SORCS2: variants seen among roughly 807,000 people sequenced by gnomAD.
The protein encoded by SORCS2 is VPS10 domain-containing receptor SorCS2.
A neutral mutation model predicts 141.6 loss-of-function variants in SORCS2; 100 were observed. The observed-to-expected ratio is 0.71, with a 90% confidence interval of 0.60 to 0.83. The LOEUF is 0.83. SORCS2 is among the 40% of genes least tolerant of loss of function. The pLI is 0.00. For missense variants in SORCS2, 1,646 were observed against 1,560.2 expected (o/e 1.05, Z -0.93); for synonymous variants, 789 against 676.9 (o/e 1.17, Z -2.57).
intron 2 of SORCS2, among the ~76,000 whole-genome samples, chr4:7,493,545 C>T (rs1731430711): frequency 6.6e-6 from 1 of 152,142 alleles, no homozygotes; most frequent in Admixed American, 6.5e-5. Context: ...CTTTCTAAGC[C>T]ACTGCCTTGG....
intron 14 of SORCS2, among the ~76,000 whole-genome samples, chr4:7,710,306 T>C (rs1239536776): frequency 2.6e-5 from 4 of 152,146 alleles, no homozygotes; most frequent in Non-Finnish European, 5.9e-5. Context: ...CCGGGTCCCT[T>C]GCCTCAGCCT....
Position 7,690,752 on chromosome 4 carries a change from A to G in SORCS2, c.1591+1164A>G, listed in dbSNP as rs149861401. The stretch of plus-strand genomic sequence containing the variant: ...GATCAATGGATGGATGATTTATATC[A>G]TGGTTGATATTTATTGGCCCCTGAA... On this transcript the variant is annotated intron_variant, in intron 11 of 26. Coordinates refer to ENST00000507866, the MANE Select transcript of SORCS2 (RefSeq NM_020777.3). Among the ~76,000 whole-genome samples, 612 of 152,336 alleles carry G rather than the reference A, an allele frequency of 4.0e-3. 10 individuals are homozygous for G. The highest frequency in any genetic ancestry group is 0.031 in the Admixed American group (473 of 15,308).
At chr4:7,689,059 T>A (rs1360464256) in intron 10 of SORCS2, among the ~76,000 whole-genome samples, 3 of 152,166 alleles carry the variant, frequency 2.0e-5, no homozygotes, top group Admixed American at 2.0e-4. Flanking sequence ...CTGTGCAGGC[T>A]CCAGGAATCA....
chr4:7,338,757 A>T (rs1234152136), intron 1 of SORCS2, among the ~76,000 whole-genome samples: 1 of 152,224 alleles, frequency 6.6e-6, no homozygotes, highest in Non-Finnish European at 1.5e-5. Context: ...TCACAGTTGG[A>T]AACCATTTAA....
chr4:7,229,678 G>T (rs979716435), intron 1 of SORCS2, among the ~76,000 whole-genome samples: 2 of 152,262 alleles, frequency 1.3e-5, no homozygotes, highest in Non-Finnish European at 2.9e-5. Flanking sequence ...ACGGTCGTGG[G>T]TGTTCCAGGG....
At chr4:7,694,897 C>T (rs1724495818) in intron 11 of SORCS2, among the ~76,000 whole-genome samples, 1 of 152,076 alleles carries the variant, frequency 6.6e-6, no homozygotes, top group Non-Finnish European at 1.5e-5. Context: ...TTCAGCTCTC[C>T]AGGCTCCACT....
chr4:7,418,335 G>A (rs1725826744), intron 2 of SORCS2, among the ~76,000 whole-genome samples: 1 of 152,224 alleles, frequency 6.6e-6, no homozygotes, highest in Non-Finnish European at 1.5e-5. Flanking sequence ...CACGGGACGG[G>A]GCAGCAATGC....
At chr4:7,691,126 C>G (rs973234063) in intron 11 of SORCS2, among the ~76,000 whole-genome samples, 1 of 152,214 alleles carries the variant, frequency 6.6e-6, no homozygotes, top group South Asian at 2.1e-4. Flanking sequence ...GACCCCTTCC[C>G]TCCATTTCCC....
chr4:7,282,898 A>G (rs953855073), intron 1 of SORCS2, among the ~76,000 whole-genome samples: 5 of 152,196 alleles, frequency 3.3e-5, no homozygotes, highest in African/African-American at 1.2e-4. Context: ...TGGGGGGTTC[A>G]GCATCTGGGG....
chr4:7,528,184 A>C (rs1001218548), intron 2 of SORCS2, among the ~76,000 whole-genome samples: 5 of 152,140 alleles, frequency 3.3e-5, no homozygotes, highest in Admixed American at 3.3e-4. Flanking sequence ...TGCACACATC[A>C]TGTGAAAGAA....
chr4:7,676,107 T>C lies in SORCS2; in HGVS notation c.1219T>C (p.Tyr407His). ...GGTGTTCGTGGCGGTGCAGGAGTGG[T>C]ACCAGATGGACACCTACAACCTGTA... ...SQVFVAVQEWYQMDTYNLYQS... is the reference protein window; with the variant it reads ...SQVFVAVQEWHQMDTYNLYQS... Residue 407 changes from tyrosine to histidine, a missense_variant, in exon 9 of 27, where the codon TAC becomes CAC. By Grantham distance (83) the Tyr-to-His change is moderately conservative. Transcript: ENST00000507866. The C allele has an allele frequency of 2.5e-6, 4 of 1,585,690 alleles. No individual in the cohort carries two copies. Among genetic ancestry groups the C allele is most frequent in the Non-Finnish European group, 3.4e-6 (4 of 1,164,258 alleles).
intron 10 of SORCS2, among the ~76,000 whole-genome samples, chr4:7,684,073 A>G (rs1488174714): frequency 1.3e-5 from 2 of 152,098 alleles, no homozygotes; most frequent in Non-Finnish European, 2.9e-5. Context: ...CCTGTGAGAC[A>G]CGGCCTCTCC....
chr4:7,602,866 A>G (rs1214409307), intron 3 of SORCS2, among the ~76,000 whole-genome samples: 1 of 152,222 alleles, frequency 6.6e-6, no homozygotes, highest in Non-Finnish European at 1.5e-5. Flanking sequence ...CAGCCTGGGC[A>G]ACATTGAGCA....
intron 2 of SORCS2, among the ~76,000 whole-genome samples, chr4:7,494,162 A>C (rs998081909): frequency 6.6e-6 from 1 of 152,234 alleles, no homozygotes; most frequent in Non-Finnish European, 1.5e-5. Flanking sequence ...TATCTTTTGT[A>C]CAAATATAGT....
At chr4:7,639,503 T>G (rs1239359588) in intron 4 of SORCS2, among the ~76,000 whole-genome samples, 2 of 142,638 alleles carry the variant, frequency 1.4e-5, no homozygotes, top group Non-Finnish European at 1.5e-5. Context: ...TGGGGGTGGG[T>G]GTGAATGTGT....
chr4:7,728,558 G>T, intron 22 of SORCS2, 96 bp downstream of exon 22: 1 of 799,844 alleles, frequency 1.3e-6, no homozygotes, highest in Admixed American at 2.8e-5. Context: ...AAGGAGAGGC[G>T]GGTGGCACTG....
rs1209101256 is a variant in SORCS2 at position 7,552,709 on chromosome 4, G to A, written c.648+21080G>A. ...GGTGGGCATCTCCTCACTCATGCAC[G>A]CTGGTCCTGGGACAACTAGATGACT... On this transcript the variant is annotated intron_variant, in intron 3 of 26. Coordinates refer to ENST00000507866, the MANE Select transcript of SORCS2 (RefSeq NM_020777.3). 4.6e-5 allele frequency among the ~76,000 whole-genome samples: 7 copies of A among 152,056 alleles called. No homozygotes were observed. The South Asian group carries it at 1.2e-3, about 27-fold the overall frequency.
chr4:7,279,654 C>T (rs770219983), intron 1 of SORCS2, among the ~76,000 whole-genome samples: 4 of 152,116 alleles, frequency 2.6e-5, no homozygotes, highest in Non-Finnish European at 5.9e-5. Flanking sequence ...CTCTGTAAAG[C>T]GGGAAGTACG....
intron 19 of SORCS2, among the ~76,000 whole-genome samples, chr4:7,724,912 GGTGGGAATGGATGGTGGTA>G: frequency 7.9e-5 from 4 of 50,552 alleles, no homozygotes; most frequent in African/African-American, 4.1e-4. Flanking sequence ...TGATAGTATT[GGTGGGAATGGATGGTGGTA>G]GTAGTGGTGA....
Sources: gnomAD v4.1 joint callset for allele counts (sites outside exome capture counted in the v4.1 genomes callset) on GRCh38, gnomAD v4.1.1 for gene constraint, MANE v1.5 for transcripts, NCBI Gene and HGNC (gene_info 2026-07-23, HGNC 2026-07-21) for gene names.